The following SSBP3 variants were observed in gnomAD, a reference collection of about 807,000 sequenced individuals.
SSBP3 encodes the protein single stranded DNA binding protein 3, also known as single-stranded DNA-binding protein 3.
SSBP3 carries 5 observed loss-of-function variants against 69.6 expected under a neutral mutation model. That is an observed-to-expected ratio of 0.07 (90% confidence interval 0.04 to 0.15). The LOEUF is 0.15. SSBP3 is among the 10% of genes least tolerant of loss of function. SSBP3 has a pLI of 1.00. For synonymous variants in SSBP3, 196 were observed against 193.4 expected (o/e 1.01, Z -0.11); for missense variants, 312 against 534.0 (o/e 0.58, Z 4.10).
At chr1:54,253,530 T>C (rs1360932969) in intron 7 of SSBP3, among the ~76,000 whole-genome samples, 1 of 152,150 alleles carries the variant, frequency 6.6e-6, no homozygotes, top group Non-Finnish European at 1.5e-5. Context: ...TCCGTCTGCC[T>C]GGGGGTGCTC....
intron 4 of SSBP3, among the ~76,000 whole-genome samples, chr1:54,354,142 A>G (rs1646826043): frequency 6.6e-6 from 1 of 152,210 alleles, no homozygotes; most frequent in Admixed American, 6.5e-5. Context: ...GAAAGCCTGG[A>G]GCCAGCGCAT....
chr1:54,374,578 T>G (rs1184618969), intron 4 of SSBP3, among the ~76,000 whole-genome samples: 1 of 152,132 alleles, frequency 6.6e-6, no homozygotes, highest in African/African-American at 2.4e-5. Context: ...GCTTACATTA[T>G]CCCCATTTCA....
intron 4 of SSBP3, among the ~76,000 whole-genome samples, chr1:54,364,925 A>G (rs1210458152): frequency 1.3e-5 from 2 of 152,152 alleles, no homozygotes; most frequent in African/African-American, 4.8e-5. Context: ...ACATTTTAAC[A>G]TTTCAATAAT....
intron 4 of SSBP3, among the ~76,000 whole-genome samples, chr1:54,316,686 AAATAAATAAATAAATAAAT>A (rs1165635732): frequency 1.5e-5 from 2 of 131,504 alleles, no homozygotes; most frequent in Admixed American, 7.2e-5. Flanking sequence ...ATAAATAAAT[AAATAAATAAATAAATAAAT>A]AAATAAAATA....
chr1:54,398,727 G>C (rs1649072805), intron 4 of SSBP3, among the ~76,000 whole-genome samples: 1 of 152,140 alleles, frequency 6.6e-6, no homozygotes, highest in Admixed American at 6.5e-5. Context: ...CTCCTCCCGT[G>C]ACCCTCCTCC....
intron 4 of SSBP3, among the ~76,000 whole-genome samples, chr1:54,313,019 G>A (rs941633626): frequency 2.1e-5 from 3 of 144,818 alleles, no homozygotes; most frequent in African/African-American, 5.3e-5. Context: ...TGTGCCTGGA[G>A]CTTTTTTTTT....
chr1:54,230,395 G>C (rs1570179564), intron 14 of SSBP3, among the ~76,000 whole-genome samples: 1 of 152,172 alleles, frequency 6.6e-6, no homozygotes, highest in Admixed American at 6.5e-5. Flanking sequence ...TGATAATACA[G>C]ATTTATGCAC....
intron 4 of SSBP3, among the ~76,000 whole-genome samples, chr1:54,371,814 T>TG (rs1557572706): frequency 6.6e-6 from 1 of 151,726 alleles, no homozygotes. Context: ...CGGGCAGGGG[T>TG]GGGGGAGTGG....
At chr1:54,337,423 T>C (rs751628698) in intron 4 of SSBP3, among the ~76,000 whole-genome samples, 14 of 146,320 alleles carry the variant, frequency 9.6e-5, no homozygotes, top group Non-Finnish European at 1.7e-4. Flanking sequence ...CTGTTCTCGC[T>C]CCAGTCTCTG....
At position 54,258,110 on chromosome 1, in the gene SSBP3, G is replaced by C. The variant is rs200861426; in HGVS notation, c.406C>G (p.Pro136Ala). ...ATCATGCTGCTAGGATTGTGAGGTG[G>C]AGGCTGTGCGTGCGGCGAGGGCTGT... The change falls in exon 6 of 18, where the codon CCA becomes GCA. Residue 136 changes from proline (P) to alanine (A), a missense_variant. Pro to Ala is a conservative substitution (Grantham distance 27). Transcript: ENST00000610401. This position sits in a 1 kb window ranked among gnomAD's most constrained non-coding sequence, Gnocchi z 4.5. 3 of 1,599,804 alleles carry C rather than the reference G, an allele frequency of 1.9e-6. No homozygotes were observed. Among genetic ancestry groups the C allele is most frequent in the Non-Finnish European group, 1.7e-6 (2 of 1,174,494 alleles).
At chr1:54,265,485 C>T (rs530652308) in intron 5 of SSBP3, among the ~76,000 whole-genome samples, 101 of 152,318 alleles carry the variant, frequency 6.6e-4, no homozygotes, top group African/African-American at 2.3e-3. Context: ...GGCCACACAG[C>T]AGTGGAATAA....
At chr1:54,360,938 C>A (rs905264686) in intron 4 of SSBP3, among the ~76,000 whole-genome samples, 2 of 138,974 alleles carry the variant, frequency 1.4e-5, no homozygotes, top group African/African-American at 2.7e-5. Flanking sequence ...AAAAAAAAAT[C>A]TGCCAGATGT....
At chr1:54,404,122 T>C (rs895091874) in intron 3 of SSBP3, among the ~76,000 whole-genome samples, 1 of 151,984 alleles carries the variant, frequency 6.6e-6, no homozygotes, top group Non-Finnish European at 1.5e-5. Context: ...TCAGGGTGCC[T>C]GGAAAAAGCC....
intron 14 of SSBP3, among the ~76,000 whole-genome samples, chr1:54,233,131 T>C (rs1173838855): frequency 6.8e-6 from 1 of 147,006 alleles, no homozygotes; most frequent in African/African-American, 2.6e-5. Context: ...ATCTAGGAAG[T>C]GAGGAGCGCC....
At chr1:54,290,635 G>C (rs1645587572) in intron 4 of SSBP3, among the ~76,000 whole-genome samples, 1 of 152,208 alleles carries the variant, frequency 6.6e-6, no homozygotes, top group Non-Finnish European at 1.5e-5. Flanking sequence ...CTGGATCAAA[G>C]GTCACTGTTT....
intron 4 of SSBP3, among the ~76,000 whole-genome samples, chr1:54,341,863 G>A (rs867524509): frequency 2.0e-5 from 3 of 150,426 alleles, no homozygotes; most frequent in Admixed American, 2.0e-4. Flanking sequence ...GAGAGAGAGA[G>A]GGGGAGAGAA....
At position 54,258,452 on chromosome 1, in the gene SSBP3, C is replaced by T. The variant is rs898894727; in HGVS notation, c.367-303G>A. ...TCCTGGACACAGCCTACCCTTGGAG[C>T]GGAGTTTGCCATGTTAAATACGTTG... On this transcript the variant is annotated intron_variant, in intron 5 of 17. Transcript: ENST00000610401. The surrounding 1 kb of genome is among the most constrained non-coding windows in gnomAD (Gnocchi z 4.5). Among the ~76,000 whole-genome samples the T allele has an allele frequency of 2.0e-5, 3 of 152,160 alleles. No individual in the cohort carries two copies. The highest frequency in any genetic ancestry group is 6.5e-5 in the Admixed American group (1 of 15,278).
chr1:54,357,151 A>C (rs1454548529), intron 4 of SSBP3, among the ~76,000 whole-genome samples: 1 of 152,178 alleles, frequency 6.6e-6, no homozygotes, highest in Non-Finnish European at 1.5e-5. Context: ...ACAGAAGGCC[A>C]AAGGGGCTAG....
At chr1:54,412,145 C>T (rs1376841521) in intron 1 of SSBP3, among the ~76,000 whole-genome samples, 1 of 152,058 alleles carries the variant, frequency 6.6e-6, no homozygotes, top group Non-Finnish European at 1.5e-5. Flanking sequence ...ACCAGAGCCC[C>T]TCCCAAAGGA....
Sources: gnomAD v4.1 joint callset for allele counts (sites outside exome capture counted in the v4.1 genomes callset) on GRCh38, gnomAD v4.1.1 for gene constraint, Gnocchi (gnomAD v3.1) non-coding constraint, MANE v1.5 for transcripts, NCBI Gene and HGNC (gene_info 2026-07-23, HGNC 2026-07-21) for gene names.